Variants in CLSTN1 observed in about 807,000 individuals in gnomAD.
The protein encoded by CLSTN1 is calsyntenin 1.
A neutral mutation model predicts 108.3 loss-of-function variants in CLSTN1; 28 were observed. The ratio of observed to expected loss-of-function variants is 0.26; its 90% CI spans 0.19 to 0.35. The LOEUF (loss-of-function observed/expected upper bound fraction) is 0.35. Among genes scored for constraint, CLSTN1 ranks in the 10% least tolerant of loss-of-function variants. The pLI is 1.00. For synonymous variants in CLSTN1, 524 were observed against 534.9 expected, an observed-to-expected ratio of 0.98 and a Z score of 0.28; for missense variants, 1,157 against 1,302.6, an observed-to-expected ratio of 0.89 and a Z score of 1.72.
In CLSTN1 at chr1:9,790,408, T is replaced by C. The variant is rs1355938280; in HGVS notation, c.92-17014A>G. Among the ~76,000 whole-genome samples the C allele has an allele frequency of 2.6e-5, 4 of 151,246 alleles. 1 individual carries two copies. The highest frequency in any genetic ancestry group is 4.4e-4 in the South Asian group (2 of 4,548). On this transcript the variant is annotated intron_variant, in intron 1 of 18. Coordinates refer to ENST00000377298, the MANE Select transcript of CLSTN1 (RefSeq NM_001009566.3). Reference sequence around the variant, plus strand: ...TAATTGGTATGCTGTGACTTTTCTTTTTTAGCGTATTGATTGGTGAATTAT... The same window carrying C: ...TAATTGGTATGCTGTGACTTTTCTTCTTTAGCGTATTGATTGGTGAATTAT...
intron 2 of CLSTN1, among the ~76,000 whole-genome samples, chr1:9,771,675 G>A (rs1447080379): frequency 1.3e-5 from 2 of 152,054 alleles, no homozygotes; most frequent in Admixed American, 1.3e-4. Context: ...GACAAATGCT[G>A]TGTGTGTGTT....
At chr1:9,800,344 GAAA>G (rs1030524837) in intron 1 of CLSTN1, among the ~76,000 whole-genome samples, 3 of 149,438 alleles carry the variant, frequency 2.0e-5, no homozygotes, top group African/African-American at 7.4e-5. Context: ...GGCTAACTAT[GAAA>G]AAAAAAGAGA....
rs768841934 is a variant in CLSTN1, at chr1:9,730,639, C to A, written c.2815G>T (p.Gly939Cys). The A allele has an allele frequency of 3.1e-6, 5 of 1,610,566 alleles. No homozygotes were observed. The highest frequency in any genetic ancestry group is 4.2e-6 in the Non-Finnish European group (5 of 1,179,972). Residue 939 changes from glycine to cysteine, a missense_variant, in exon 19 of 19, where the codon GGC (glycine) becomes TGC (cysteine). Coordinates refer to ENST00000377298, the MANE Select transcript of CLSTN1 (RefSeq NM_001009566.3). The surrounding 1 kb of genome is among the most constrained non-coding windows in gnomAD (Gnocchi z 5.6). ...EEEEEEESEDGEEEDDITSAE... is the reference protein window; with the variant it reads ...EEEEEEESEDCEEEDDITSAE... ...CTGGTGATGTCATCCTCTTCTTCGC[C>A]GTCCTCGCTTTCCTCTTCCTCTTCC...
chr1:9,736,500 A>G (rs1160714273), intron 11 of CLSTN1, among the ~76,000 whole-genome samples: 1 of 152,174 alleles, frequency 6.6e-6, no homozygotes, highest in Non-Finnish European at 1.5e-5. Context: ...AGGGAGGCTT[A>G]AAATACTCCC....
chr1:9,731,455 C>G, intron 17 of CLSTN1, 65 bp from the exon 18 acceptor site: 3 of 1,537,288 alleles, frequency 2.0e-6, no homozygotes, highest in Non-Finnish European at 2.7e-6. Flanking sequence ...TGCCCTTGAC[C>G]TCCTCGGCTG....
At chr1:9,736,261 G>C (rs1398334913) in intron 11 of CLSTN1, among the ~76,000 whole-genome samples, 1 of 152,166 alleles carries the variant, frequency 6.6e-6, no homozygotes, top group Admixed American at 6.5e-5. Flanking sequence ...GGGAGAGTTG[G>C]GGGTGTCTCA....
chr1:9,742,275 C>T (rs1453980798), intron 9 of CLSTN1, among the ~76,000 whole-genome samples: 1 of 152,066 alleles, frequency 6.6e-6, no homozygotes, highest in Non-Finnish European at 1.5e-5. Context: ...TACATCATGA[C>T]ATACAGGCGG....
intron 1 of CLSTN1, among the ~76,000 whole-genome samples, chr1:9,789,571 A>G (rs1653668474): frequency 1.3e-5 from 2 of 151,454 alleles, no homozygotes; most frequent in South Asian, 4.3e-4. Context: ...ACTTATTTTG[A>G]AGCAAATGCC....
chr1:9,733,019 C>T (rs564248001), intron 16 of CLSTN1, among the ~76,000 whole-genome samples: 4 of 151,892 alleles, frequency 2.6e-5, no homozygotes, highest in Admixed American at 1.3e-4. Context: ...AGTGAGACCT[C>T]GTCTCTAAAA....
At chr1:9,757,828 A>G (rs1651890848) in intron 2 of CLSTN1, among the ~76,000 whole-genome samples, 1 of 152,256 alleles carries the variant, frequency 6.6e-6, no homozygotes, top group East Asian at 1.9e-4. Flanking sequence ...GCCCCTCAAC[A>G]CACTGGGCCC....
chr1:9,754,723 C>T lies in CLSTN1; in HGVS notation c.440+391G>A, dbSNP rs559045683. 3.9e-5 allele frequency among the ~76,000 whole-genome samples: 6 copies of T among 152,226 alleles called. No individual in the cohort carries two copies. In the East Asian group the frequency reaches 7.7e-4, roughly 20 times the overall value. On this transcript the variant is annotated intron_variant, in intron 4 of 18. Coordinates refer to ENST00000377298, the MANE Select transcript of CLSTN1 (RefSeq NM_001009566.3). The stretch of plus-strand genomic sequence containing the variant: ...ATACAAAATTAGCTGAGCGTGGTGG[C>T]GCATGCCTGTAATCCCAGCTATGTG...
At chr1:9,790,811 C>A (rs1299327160) in intron 1 of CLSTN1, among the ~76,000 whole-genome samples, 1 of 150,968 alleles carries the variant, frequency 6.6e-6, no homozygotes, top group Non-Finnish European at 1.5e-5. Flanking sequence ...GTGTGACGAT[C>A]GCAAATGTGC....
intron 16 of CLSTN1, among the ~76,000 whole-genome samples, chr1:9,732,653 G>C (rs1195266247): frequency 6.6e-6 from 1 of 152,264 alleles, no homozygotes; most frequent in African/African-American, 2.4e-5. Flanking sequence ...GCCACAGAGA[G>C]CCTGAGCGAT....
intron 2 of CLSTN1, among the ~76,000 whole-genome samples, chr1:9,761,506 T>C (rs909618649): frequency 3.3e-5 from 5 of 152,198 alleles, no homozygotes; most frequent in African/African-American, 1.2e-4. Context: ...TGTCTAAAAA[T>C]TTTTTTAAAA....
chr1:9,743,065 C>T (rs534677145), intron 9 of CLSTN1, among the ~76,000 whole-genome samples: 21 of 152,156 alleles, frequency 1.4e-4, no homozygotes, highest in Non-Finnish European at 2.6e-4. Context: ...GCACATATAA[C>T]ATATGTCAGC....
intron 1 of CLSTN1, among the ~76,000 whole-genome samples, chr1:9,793,530 C>T (rs545489160): frequency 6.6e-6 from 1 of 151,466 alleles, no homozygotes; most frequent in Admixed American, 6.7e-5. Context: ...TGATGCACTC[C>T]CCAACAGAGA....
In CLSTN1 at chr1:9,731,336, A is replaced by AACACCAGGAAGCTGACGC; in HGVS notation, c.2600_2617dup (p.Cys867_Val872dup). On this transcript the variant is annotated inframe_insertion, in exon 18 of 19. Transcript: ENST00000377298. The stretch of plus-strand genomic sequence containing the variant: ...CCGAAATACCCCCAGGATAATCATG[A>AACACCAGGAAGCTGACGC]ACACCAGGAAGCTGACGCACACCAC... 1.2e-6 allele frequency: 2 copies of AACACCAGGAAGCTGACGC among 1,614,246 alleles called. No individual in the cohort carries two copies. The highest frequency in any genetic ancestry group is 1.7e-6 in the Non-Finnish European group (2 of 1,180,038).
In CLSTN1 at chr1:9,734,159, A is replaced by G. The variant is rs367856152; in HGVS notation, c.2111-17T>C. 451 of 1,613,280 alleles carry G rather than the reference A, an allele frequency of 2.8e-4. No homozygotes were observed. The highest frequency in any genetic ancestry group is 3.7e-4 in the Non-Finnish European group (442 of 1,179,592). ...ATTCTTGAACTGCAAAAGAGGCCCA[A>G]CCAGAAATATTAAGTAGGGGCAGTG... On this transcript the variant is annotated splice_polypyrimidine_tract_variant and intron_variant, in intron 14 of 18. Transcript: ENST00000377298. This position sits in a 1 kb window ranked among gnomAD's most constrained non-coding sequence, Gnocchi z 4.8.
rs1557687902 is a variant in CLSTN1, at chr1:9,731,406, G to A, written c.2564-16C>T. The A allele has an allele frequency of 6.2e-7, 1 of 1,608,660 alleles. No individual in the cohort carries two copies. The highest frequency in any genetic ancestry group is 2.3e-5 in the East Asian group (1 of 44,374). ...CTGGGGACGACTGTGGGAGAATGAG[G>A]GGGCGGGATGCGAGGTCACTCGGCC... On this transcript the variant is annotated splice_polypyrimidine_tract_variant and intron_variant, in intron 17 of 18. Transcript: ENST00000377298.
Sources: gnomAD v4.1 joint callset for allele counts (sites outside exome capture counted in the v4.1 genomes callset) on GRCh38, gnomAD v4.1.1 for gene constraint, Gnocchi (gnomAD v3.1) non-coding constraint, MANE v1.5 for transcripts, NCBI Gene and HGNC (gene_info 2026-07-23, HGNC 2026-07-21) for gene names.